USH2A: variants seen among roughly 807,000 people sequenced by gnomAD.
The protein encoded by USH2A is Usher syndrome 2A (autosomal recessive, mild).
A neutral mutation model predicts 538.9 loss-of-function variants in USH2A; 443 were observed. The ratio of observed to expected loss-of-function variants is 0.82; its 90% confidence interval spans 0.76 to 0.89. The LOEUF is 0.89. Among genes scored for constraint, USH2A ranks in the 40% least tolerant of loss-of-function variants. The probability of loss-of-function intolerance (pLI) is 0.00; values close to 1 mark genes in which losing one functional copy is unlikely to be tolerated. For missense variants in USH2A, 6,633 were observed against 6,324.8 expected (o/e 1.05, Z -1.65); for synonymous variants, 2,413 against 2,273.5 (o/e 1.06, Z -1.75).
chr1:216,317,799 G>A (rs1422853175), intron 9 of USH2A, among the ~76,000 whole-genome samples: 3 of 152,092 alleles, frequency 2.0e-5, no homozygotes, highest in African/African-American at 7.2e-5. Context: ...GTTGCAGTGA[G>A]CCAAGATCAT....
chr1:215,942,164 G>T (rs1356091245), intron 37 of USH2A, among the ~76,000 whole-genome samples: 1 of 152,074 alleles, frequency 6.6e-6, no homozygotes, highest in African/African-American at 2.4e-5. Flanking sequence ...GAGACTGAGG[G>T]TCTCAATTTT....
intron 14 of USH2A, among the ~76,000 whole-genome samples, chr1:216,218,768 A>G (rs2035393650): frequency 6.6e-6 from 1 of 152,086 alleles, no homozygotes; most frequent in Admixed American, 6.6e-5. Context: ...TCTTTTATCT[A>G]TACACATTAC....
intron 43 of USH2A, among the ~76,000 whole-genome samples, chr1:215,874,834 G>A (rs1664718835): frequency 6.6e-6 from 1 of 152,102 alleles, no homozygotes; most frequent in African/African-American, 2.4e-5. Flanking sequence ...GGGGAGAATA[G>A]GAAATTACAT....
intron 37 of USH2A, among the ~76,000 whole-genome samples, chr1:215,935,537 C>T (rs1666470840): frequency 6.6e-6 from 1 of 151,930 alleles, no homozygotes; most frequent in African/African-American, 2.4e-5. Context: ...ACTGTCCTTC[C>T]AAAGCTTTAG....
At chr1:215,851,846 A>T (rs559441161) in intron 44 of USH2A, among the ~76,000 whole-genome samples, 41 of 152,078 alleles carry the variant, frequency 2.7e-4, no homozygotes, top group Non-Finnish European at 5.1e-4. Flanking sequence ...CACCATGATC[A>T]AGTAGGTTTC....
chr1:215,838,964 T>C (rs1238765087), intron 46 of USH2A, among the ~76,000 whole-genome samples: 1 of 152,174 alleles, frequency 6.6e-6, no homozygotes, highest in African/African-American at 2.4e-5. Context: ...ATTCCGAGCT[T>C]TTATGTGAAA....
intron 47 of USH2A, among the ~76,000 whole-genome samples, chr1:215,835,509 G>A (rs1013775250): frequency 1.3e-5 from 2 of 152,058 alleles, no homozygotes; most frequent in East Asian, 1.9e-4. Context: ...GTAGCCCTCA[G>A]TTTCTCCAGA....
intron 30 of USH2A, among the ~76,000 whole-genome samples, chr1:216,067,536 A>C (rs2102543796): frequency 6.6e-6 from 1 of 151,852 alleles, no homozygotes; most frequent in East Asian, 1.9e-4. Context: ...GAAGGTAAGT[A>C]TTGCAGTTGT....
At chr1:215,806,395 T>C (rs1050299399) in intron 49 of USH2A, among the ~76,000 whole-genome samples, 12 of 152,050 alleles carry the variant, frequency 7.9e-5, no homozygotes, top group African/African-American at 2.7e-4. Context: ...GCCTGGCCTA[T>C]AATTTGGTGG....
intron 49 of USH2A, among the ~76,000 whole-genome samples, chr1:215,805,800 T>C (rs548343756): frequency 3.5e-3 from 530 of 152,074 alleles, no homozygotes; most frequent in Non-Finnish European, 5.8e-3. Flanking sequence ...GAAGATACTT[T>C]GGCTCAGAAA....
intron 64 of USH2A, among the ~76,000 whole-genome samples, chr1:215,666,586 C>T (rs1213766941): frequency 6.6e-6 from 1 of 152,144 alleles, no homozygotes; most frequent in African/African-American, 2.4e-5. Flanking sequence ...ATCCCAGAAT[C>T]AGAACTACAG....
At chr1:216,081,874 G>C (rs565334382) in intron 26 of USH2A, among the ~76,000 whole-genome samples, 1 of 151,924 alleles carries the variant, frequency 6.6e-6, no homozygotes, top group Non-Finnish European at 1.5e-5. Context: ...TGGAATTATA[G>C]GGGTGAGCCA....
At chr1:215,980,607 G>A (rs1667728652) in intron 35 of USH2A, among the ~76,000 whole-genome samples, 1 of 152,030 alleles carries the variant, frequency 6.6e-6, no homozygotes, top group African/African-American at 2.4e-5. Context: ...ATAAATATGA[G>A]GACTTTTGAA....
intron 11 of USH2A, among the ~76,000 whole-genome samples, chr1:216,284,818 A>G (rs921013275): frequency 6.6e-6 from 1 of 152,214 alleles, no homozygotes; most frequent in African/African-American, 2.4e-5. Context: ...TGGACAATAA[A>G]GGCCAGGCTG....
intron 9 of USH2A, among the ~76,000 whole-genome samples, chr1:216,314,770 A>T (rs756238649): frequency 2.6e-5 from 4 of 152,204 alleles, no homozygotes; most frequent in Non-Finnish European, 5.9e-5. Flanking sequence ...AATTCATAAG[A>T]TCTATGATTA....
chr1:215,694,294 C>A (rs1448371708), intron 61 of USH2A, among the ~76,000 whole-genome samples: 2 of 152,176 alleles, frequency 1.3e-5, no homozygotes, highest in Admixed American at 1.3e-4. Flanking sequence ...AAATTTCTTG[C>A]CAGGCGTGGT....
intron 49 of USH2A, among the ~76,000 whole-genome samples, chr1:215,812,565 G>A (rs779716450): frequency 1.2e-4 from 18 of 152,038 alleles, no homozygotes; most frequent in Admixed American, 7.9e-4. Context: ...GGAACCAGAC[G>A]TTGGGCATAA....
At chr1:216,196,352 G>C (rs2034842786) in intron 19 of USH2A, among the ~76,000 whole-genome samples, 1 of 151,978 alleles carries the variant, frequency 6.6e-6, no homozygotes, top group Non-Finnish European at 1.5e-5. Context: ...TACCAACTTA[G>C]TTTCAATATA....
At chr1:215,891,634 A>T (rs1035523973) in intron 40 of USH2A, among the ~76,000 whole-genome samples, 1 of 152,226 alleles carries the variant, frequency 6.6e-6, no homozygotes, top group African/African-American at 2.4e-5. Context: ...TCATGGATGA[A>T]ATGACATGAA....
Sources: gnomAD v4.1 joint callset for allele counts (sites outside exome capture counted in the v4.1 genomes callset) on GRCh38, gnomAD v4.1.1 for gene constraint, MANE v1.5 for transcripts, NCBI Gene and HGNC (gene_info 2026-07-23, HGNC 2026-07-21) for gene names.